The following SNX9 variants were observed in gnomAD, a reference collection of about 807,000 sequenced individuals.
The protein encoded by SNX9 is sorting nexin-9.
In SNX9, 44 loss-of-function variants were observed where a neutral mutation model predicts 89.4. The observed-to-expected ratio is 0.49, with a 90% CI of 0.39 to 0.63. The LOEUF is 0.63. SNX9 is among the 30% of genes least tolerant of loss of function. The pLI, the probability that SNX9 is intolerant of heterozygous loss-of-function variation, is 0.00. For missense variants in SNX9, 578 were observed against 736.1 expected, an observed-to-expected ratio of 0.79 and a Z score of 2.49; for synonymous variants, 236 against 247.8, an observed-to-expected ratio of 0.95 and a Z score of 0.45.
At chr6:157,915,822 C>CAAAAAAAAAAAAAAAAAAAAA (rs570701086) in intron 9 of SNX9, among the ~76,000 whole-genome samples, 1 of 89,372 alleles carries the variant, frequency 1.1e-5, no homozygotes, top group African/African-American at 4.0e-5. Context: ...TAGACTCTGT[C>CAAAAAAAAAAAAAAAAAAAAA]AAAAAAAAAA....
At chr6:157,896,204 A>G (rs1485765827) in intron 4 of SNX9, among the ~76,000 whole-genome samples, 3 of 152,252 alleles carry the variant, frequency 2.0e-5, no homozygotes, top group African/African-American at 7.2e-5. Context: ...GTAGTTCCTT[A>G]GAATGACTAG....
At chr6:157,847,535 A>G (rs1336148274) in intron 1 of SNX9, among the ~76,000 whole-genome samples, 1 of 152,058 alleles carries the variant, frequency 6.6e-6, no homozygotes, top group African/African-American at 2.4e-5. Context: ...AAAAATATAT[A>G]TTTTTAAATT....
intron 2 of SNX9, among the ~76,000 whole-genome samples, chr6:157,870,373 CCG>C (rs1782374758): frequency 6.6e-6 from 1 of 151,908 alleles, no homozygotes; most frequent in African/African-American, 2.4e-5. Flanking sequence ...CAGCACTCAC[CCG>C]TGTGAGTGCA....
At chr6:157,832,528 T>G (rs1781496848) in intron 1 of SNX9, among the ~76,000 whole-genome samples, 1 of 152,188 alleles carries the variant, frequency 6.6e-6, no homozygotes, top group Admixed American at 6.5e-5. Flanking sequence ...CATGCTGCTA[T>G]GAAGAAATAC....
Position 157,901,906 on chromosome 6 carries a change from G to A in SNX9, c.481G>A (p.Asp161Asn). The change falls in exon 6 of 18, where the codon GAT becomes AAT. Residue 161 changes from aspartate to asparagine, a missense_variant. Transcript: ENST00000392185. ...TCCATTTTCACCTCTAGCAACTGGT[G>A]ATGATGATGACTGGGATGAAGACTG... ...PQAYQGPATG[D>N]DDDWDEDWDG... 2 of 1,602,242 alleles carry A rather than the reference G, an allele frequency of 1.2e-6. No individual in the cohort carries two copies. Among genetic ancestry groups the A allele is most frequent in the Non-Finnish European group, 1.7e-6 (2 of 1,175,032 alleles).
intron 1 of SNX9, chr6:157,830,237 A>G (rs1781455800): frequency 1.3e-5 from 2 of 152,198 alleles, no homozygotes; most frequent in Admixed American, 6.5e-5. Context: ...TCTAAAATGA[A>G]TTGGAATTTC....
intron 10 of SNX9, among the ~76,000 whole-genome samples, chr6:157,925,393 G>A (rs1783671128): frequency 6.6e-6 from 1 of 151,970 alleles, no homozygotes; most frequent in Non-Finnish European, 1.5e-5. Flanking sequence ...TAACGTGTTG[G>A]GGGAAAATGG....
intron 4 of SNX9, among the ~76,000 whole-genome samples, chr6:157,894,106 CTTTTTTTTTTTTTT>C (rs746909411): frequency 1.1e-5 from 1 of 89,564 alleles, no homozygotes; most frequent in Non-Finnish European, 2.2e-5. Flanking sequence ...CTTTTCTTTT[CTTTTTTTTTTTTTT>C]TTTTTTTGAG....
chr6:157,915,912 T>C (rs899796226), intron 9 of SNX9, among the ~76,000 whole-genome samples: 2 of 151,616 alleles, frequency 1.3e-5, no homozygotes, highest in Admixed American at 6.6e-5. Flanking sequence ...TTTCTAGTTA[T>C]GTATTGCATA....
At chr6:157,852,194 C>T (rs1781927942) in intron 1 of SNX9, among the ~76,000 whole-genome samples, 1 of 152,064 alleles carries the variant, frequency 6.6e-6, no homozygotes, top group South Asian at 2.1e-4. Flanking sequence ...TGTTTTCTAC[C>T]GTGGCTGTAC....
At chr6:157,928,475 C>T in intron 11 of SNX9, 124 bp from the exon 12 acceptor site, 2 of 704,914 alleles carry the variant, frequency 2.8e-6, no homozygotes, top group Non-Finnish European at 4.9e-6. Flanking sequence ...TTAAGGCTAA[C>T]TTAGTGAAAG....
At position 157,917,810 on chromosome 6, in the gene SNX9, T is replaced by A. The variant is rs191007170; in HGVS notation, c.950-3721T>A. The stretch of plus-strand genomic sequence containing the variant: ...AGGAAAAAAGTCCATACATATTCAT[T>A]ACAGAAAAAAATTTTTTCCCTCAAA... On this transcript the variant is annotated intron_variant, in intron 9 of 17. Transcript: ENST00000392185. 5.9e-5 allele frequency among the ~76,000 whole-genome samples: 9 copies of A among 152,260 alleles called. No homozygotes were observed. In the East Asian group the frequency reaches 1.7e-3, roughly 29 times the overall value.
rs1197354551 is a variant in SNX9, at chr6:157,908,146, C to A, written c.706-1519C>A. Among the ~76,000 whole-genome samples the A allele has an allele frequency of 2.0e-5, 3 of 151,966 alleles. No homozygotes were observed. The East Asian group carries it at 5.8e-4, about 29-fold the overall frequency. On this transcript the variant is annotated intron_variant, in intron 7 of 17. Coordinates refer to ENST00000392185, the MANE Select transcript of SNX9 (RefSeq NM_016224.5). ...TTTTTTCCTTTTTATGTCTGTCTGG[C>A]CTTGCCTCTCTGAGGTCTCAGCCGA...
At chr6:157,839,262 AT>A (rs1297851161) in intron 1 of SNX9, among the ~76,000 whole-genome samples, 2 of 152,218 alleles carry the variant, frequency 1.3e-5, no homozygotes, top group African/African-American at 2.4e-5. Context: ...TCTGTGATTC[AT>A]TATAGCTGTT....
At position 157,927,324 on chromosome 6, in the gene SNX9, T is replaced by G. The variant is rs961504625; in HGVS notation, c.1184+110T>G. On this transcript the variant is annotated intron_variant, in intron 11 of 17. Coordinates refer to ENST00000392185, the MANE Select transcript of SNX9 (RefSeq NM_016224.5). ...CGAAACTCAAATCAGACTAGACTTT[T>G]ATGAAATGAGTGGGATTTGTAGTCC... 9 of 684,512 alleles carry G rather than the reference T, an allele frequency of 1.3e-5. No individual in the cohort carries two copies. The East Asian group carries it at 2.3e-4, about 18-fold the overall frequency. The allele number at this position is 684,512 out of a possible 1,614,324, so 42.4% of individuals were successfully genotyped here.
intron 2 of SNX9, 81 bp from the exon 3 acceptor site, chr6:157,873,021 A>G: frequency 1.8e-6 from 2 of 1,139,528 alleles, no homozygotes; most frequent in Non-Finnish European, 2.4e-6. Context: ...TTTATGTATA[A>G]CAATTCCTCC....
chr6:157,936,165 C>CT (rs992296918), intron 14 of SNX9, 125 bp downstream of exon 14: 175 of 670,376 alleles, frequency 2.6e-4, no homozygotes, highest in Non-Finnish European at 3.9e-4. Flanking sequence ...TTCTGTGTAT[C>CT]TTTTTTAATT....
intron 14 of SNX9, among the ~76,000 whole-genome samples, chr6:157,937,103 T>C (rs1263878697): frequency 6.6e-6 from 1 of 152,268 alleles, no homozygotes; most frequent in Middle Eastern, 3.2e-3. Flanking sequence ...ATTTAGAAGT[T>C]AAACTACAAC....
At chr6:157,867,378 C>G (rs1028789434) in intron 1 of SNX9, among the ~76,000 whole-genome samples, 169 bp from the exon 2 acceptor site, 1 of 152,214 alleles carries the variant, frequency 6.6e-6, no homozygotes, top group Non-Finnish European at 1.5e-5. Flanking sequence ...TATTCTTCCT[C>G]AGAGTAGAGC....
Sources: gnomAD v4.1 joint callset for allele counts (sites outside exome capture counted in the v4.1 genomes callset) on GRCh38, gnomAD v4.1.1 for gene constraint, MANE v1.5 for transcripts, NCBI Gene and HGNC (gene_info 2026-07-23, HGNC 2026-07-21) for gene names.